PITPNC1: variants seen among roughly 807,000 people sequenced by gnomAD.
The protein encoded by PITPNC1 is cytoplasmic phosphatidylinositol transfer protein 1.
Under a neutral mutation model 44.7 loss-of-function variants are expected in PITPNC1, and 18 were observed. That is an observed-to-expected ratio of 0.40 (90% CI 0.28 to 0.60). The LOEUF (loss-of-function observed/expected upper bound fraction) is 0.60, where lower values mean the gene tolerates loss of function less well. Ranked by LOEUF, PITPNC1 falls within the 20% of genes least tolerant of loss-of-function variation. The pLI is 0.39. For missense variants in PITPNC1, 290 were observed against 418.4 expected, an observed-to-expected ratio of 0.69 and a Z score of 2.68; for synonymous variants, 141 against 149.6, an observed-to-expected ratio of 0.94 and a Z score of 0.42.
chr17:67,619,311 A>C (rs907187828), intron 5 of PITPNC1, among the ~76,000 whole-genome samples: 17 of 152,202 alleles, frequency 1.1e-4, no homozygotes, highest in Non-Finnish European at 4.4e-5. Flanking sequence ...TCTATCTGGA[A>C]GTTTAAGTAG....
chr17:67,496,404 A>G (rs1211992340), intron 1 of PITPNC1, among the ~76,000 whole-genome samples: 1 of 152,192 alleles, frequency 6.6e-6, no homozygotes, highest in Non-Finnish European at 1.5e-5. Context: ...TCCAAGAGGC[A>G]TTTGAGGCCC....
At chr17:67,435,200 A>C (rs1183936067) in intron 1 of PITPNC1, among the ~76,000 whole-genome samples, 1 of 151,994 alleles carries the variant, frequency 6.6e-6, no homozygotes, top group African/African-American at 2.4e-5. Flanking sequence ...CAAATTACGC[A>C]ACCTCAGTTA....
At chr17:67,388,787 G>T (rs371391446) in intron 1 of PITPNC1, among the ~76,000 whole-genome samples, 1 of 150,900 alleles carries the variant, frequency 6.6e-6, no homozygotes, top group East Asian at 2.0e-4. Context: ...CACCTGGCTG[G>T]TCTTGTATTT....
chr17:67,581,337 T>A (rs751944959), intron 5 of PITPNC1, among the ~76,000 whole-genome samples: 1 of 152,226 alleles, frequency 6.6e-6, no homozygotes, highest in Non-Finnish European at 1.5e-5. Context: ...TATCACCTAT[T>A]CACTCTGTGC....
At chr17:67,422,661 C>T (rs1339344417) in intron 1 of PITPNC1, among the ~76,000 whole-genome samples, 3 of 152,134 alleles carry the variant, frequency 2.0e-5, no homozygotes, top group African/African-American at 4.8e-5. Context: ...GATTCTCCTG[C>T]CTCAGCCTCC....
chr17:67,530,996 A>C (rs939927728), intron 1 of PITPNC1, among the ~76,000 whole-genome samples: 10 of 152,196 alleles, frequency 6.6e-5, no homozygotes, highest in Non-Finnish European at 5.9e-5. Flanking sequence ...TAATCCCAGC[A>C]CTTTGAGAGG....
At chr17:67,384,063 C>G (rs536119242) in intron 1 of PITPNC1, among the ~76,000 whole-genome samples, 1 of 152,064 alleles carries the variant, frequency 6.6e-6, no homozygotes, top group East Asian at 1.9e-4. Context: ...AACGAACAAA[C>G]AAACCAAAAA....
chr17:67,606,488 C>T (rs1193332875), intron 5 of PITPNC1, among the ~76,000 whole-genome samples: 6 of 152,332 alleles, frequency 3.9e-5, no homozygotes, highest in East Asian at 3.9e-4. Flanking sequence ...CGTTTAAATT[C>T]GGCTAAGTCG....
At chr17:67,618,055 T>C (rs2041782545) in intron 5 of PITPNC1, among the ~76,000 whole-genome samples, 1 of 152,076 alleles carries the variant, frequency 6.6e-6, no homozygotes, top group Non-Finnish European at 1.5e-5. Context: ...CTCCTGACTA[T>C]TGACCCTATG....
chr17:67,485,451 G>A (rs1319461280), intron 1 of PITPNC1, among the ~76,000 whole-genome samples: 2 of 144,866 alleles, frequency 1.4e-5, no homozygotes, highest in African/African-American at 2.6e-5. Flanking sequence ...AGCAACCTCC[G>A]CCTCCTGGAT....
At position 67,657,539 on chromosome 17, in the gene PITPNC1, C is replaced by G. The variant is rs113292127; in HGVS notation, c.463-11969C>G. On this transcript the variant is annotated intron_variant, in intron 6 of 8. Coordinates refer to ENST00000581322, the MANE Select transcript of PITPNC1 (RefSeq NM_012417.4). Reference sequence around the variant, plus strand: ...GGGATTCTAGTCCCAGCCCTATTGCCGAGTGCCTGTGATTTGGGGGCAAAG... The same window carrying G: ...GGGATTCTAGTCCCAGCCCTATTGCGGAGTGCCTGTGATTTGGGGGCAAAG... 9.7e-3 allele frequency among the ~76,000 whole-genome samples: 1,464 copies of G among 150,772 alleles called. 43 individuals carry two copies. Among genetic ancestry groups the G allele is most frequent in the African/African-American group, 0.034 (1,366 of 40,150 alleles).
chr17:67,612,573 T>C (rs959237397), intron 5 of PITPNC1: 4 of 152,222 alleles, frequency 2.6e-5, no homozygotes, highest in Non-Finnish European at 1.5e-5. Flanking sequence ...CACTGCTCTT[T>C]CCACCATAAA....
At chr17:67,648,217 G>A (rs1432855772) in intron 6 of PITPNC1, among the ~76,000 whole-genome samples, 1 of 152,184 alleles carries the variant, frequency 6.6e-6, no homozygotes, top group Non-Finnish European at 1.5e-5. Flanking sequence ...GCAACTCATC[G>A]AGATATTTGT....
chr17:67,471,604 C>A, intron 1 of PITPNC1: 1 of 359,214 alleles, frequency 2.8e-6, no homozygotes, highest in Non-Finnish European at 5.3e-6. Flanking sequence ...TGCAATTATT[C>A]TGTAAATCTA....
At chr17:67,397,436 C>T (rs535912024) in intron 1 of PITPNC1, among the ~76,000 whole-genome samples, 1 of 152,326 alleles carries the variant, frequency 6.6e-6, no homozygotes, top group Admixed American at 6.5e-5. Flanking sequence ...AATCTGTTCT[C>T]TAGACCTGGA....
chr17:67,484,861 C>A (rs1329785980), intron 1 of PITPNC1, among the ~76,000 whole-genome samples: 2 of 152,064 alleles, frequency 1.3e-5, no homozygotes, highest in Non-Finnish European at 2.9e-5. Flanking sequence ...TCGCTTGAAC[C>A]CGGGACATGG....
chr17:67,672,383 G>A (rs2042529878), intron 7 of PITPNC1, among the ~76,000 whole-genome samples: 1 of 151,678 alleles, frequency 6.6e-6, no homozygotes, highest in Non-Finnish European at 1.5e-5. Context: ...ATCACTTGAG[G>A]TCAGGAGTAG....
intron 5 of PITPNC1, among the ~76,000 whole-genome samples, chr17:67,628,565 T>C (rs776795861): frequency 6.6e-6 from 1 of 152,078 alleles, no homozygotes; most frequent in Non-Finnish European, 1.5e-5. Flanking sequence ...TCAGACTTCA[T>C]TGGAGAAGCA....
chr17:67,598,230 C>T (rs1320815714), intron 5 of PITPNC1, among the ~76,000 whole-genome samples: 8 of 151,426 alleles, frequency 5.3e-5, no homozygotes, highest in East Asian at 3.9e-4. Context: ...AGTGAGACTC[C>T]GTCTCAAAAA....
Sources: allele counts gnomAD v4.1 joint callset (sites outside exome capture counted in the v4.1 genomes callset), GRCh38; gene constraint gnomAD v4.1.1; transcripts MANE v1.5; gene names NCBI Gene and HGNC (gene_info 2026-07-23, HGNC 2026-07-21).